MAOB: variants seen among roughly 807,000 people sequenced by gnomAD.
MAOB encodes the protein amine oxidase [flavin-containing] B.
Under a neutral mutation model 41.9 loss-of-function variants are expected in MAOB, and 15 were observed. The observed-to-expected ratio is 0.36, with a 90% CI of 0.24 to 0.55. MAOB has a LOEUF of 0.55. Ranked by LOEUF, MAOB falls within the 20% of genes least tolerant of loss-of-function variation. The pLI, the probability that MAOB is intolerant of heterozygous loss-of-function variation, is 0.86. For synonymous variants in MAOB, 167 were observed against 144.2 expected (o/e 1.16, Z -1.13); for missense variants, 345 against 398.7 (o/e 0.87, Z 1.15).
At chrX:43,871,254 C>T (rs373433162) in intron 1 of MAOB, among the ~76,000 whole-genome samples, 112 of 111,730 alleles carry the variant, frequency 1.0e-3, no homozygotes, top group African/African-American at 3.4e-3. Context: ...AGCCAACACT[C>T]TCAGCAGGTC....
chrX:43,873,808 C>T (rs2035423427), intron 1 of MAOB, among the ~76,000 whole-genome samples: 1 of 111,110 alleles, frequency 9.0e-6, no homozygotes, highest in African/African-American at 3.3e-5. Context: ...TCCCGAGTAG[C>T]TGGGACTACA....
rs1396576672 is a variant in MAOB at position 43,803,418 on chromosome X, G to T, written c.280-14C>A. Reference sequence around the variant, plus strand: ...GTATGATTTGCCCTGTGAGATACAAGATATTTTTAAAAGGAAATATTTACT... The same window carrying T: ...GTATGATTTGCCCTGTGAGATACAATATATTTTTAAAAGGAAATATTTACT... On this transcript the variant is annotated splice_polypyrimidine_tract_variant and intron_variant, in intron 3 of 14. Transcript: ENST00000378069. 9 of 1,163,133 alleles carry T rather than the reference G, an allele frequency of 7.7e-6. No individual in the cohort carries two copies. Among genetic ancestry groups the T allele is most frequent in the Non-Finnish European group, 1.0e-5 (9 of 879,804 alleles).
chrX:43,843,504 A>G (rs1473167016), intron 2 of MAOB, among the ~76,000 whole-genome samples, 166 bp downstream of exon 2: 1 of 110,866 alleles, frequency 9.0e-6, no homozygotes, highest in African/African-American at 3.3e-5. Flanking sequence ...GAACAGAAGA[A>G]TTGAAAGGAA....
intron 3 of MAOB, among the ~76,000 whole-genome samples, chrX:43,835,951 C>T (rs189045517): frequency 9.0e-6 from 1 of 111,731 alleles, no homozygotes; most frequent in East Asian, 2.8e-4. Flanking sequence ...ATTTTAAAAG[C>T]AGATTCTTTG....
At chrX:43,808,507 G>T (rs1192246202) in intron 3 of MAOB, among the ~76,000 whole-genome samples, 1 of 110,705 alleles carries the variant, frequency 9.0e-6, no homozygotes, top group East Asian at 2.8e-4. Context: ...TTCAGAAAGT[G>T]AGAGCTCAGT....
chrX:43,868,737 C>G (rs1458911040), intron 1 of MAOB, among the ~76,000 whole-genome samples: 1 of 111,629 alleles, frequency 9.0e-6, no homozygotes, highest in Non-Finnish European at 1.9e-5. Context: ...TCCATTCTAA[C>G]TTTGTCCAAA....
intron 12 of MAOB, among the ~76,000 whole-genome samples, chrX:43,770,781 T>A (rs969909896): frequency 8.9e-6 from 1 of 111,792 alleles, no homozygotes; most frequent in African/African-American, 3.3e-5. Flanking sequence ...CTTATATTCT[T>A]TGCCTGGTGT....
intron 12 of MAOB, among the ~76,000 whole-genome samples, chrX:43,773,881 G>C (rs2283728): frequency 0.032 from 3,562 of 111,463 alleles, 60 homozygotes; most frequent in Middle Eastern, 0.083. Context: ...TAAATTGCCC[G>C]GTCTCAGGTA....
intron 3 of MAOB, among the ~76,000 whole-genome samples, chrX:43,827,622 C>T (rs1321705207): frequency 9.0e-6 from 1 of 111,656 alleles, no homozygotes; most frequent in Non-Finnish European, 1.9e-5. Flanking sequence ...CTCCCAGATT[C>T]ATAGAGAGGA....
At chrX:43,860,520 C>T (rs1410059794) in intron 1 of MAOB, among the ~76,000 whole-genome samples, 1 of 111,540 alleles carries the variant, frequency 9.0e-6, no homozygotes, top group Non-Finnish European at 1.9e-5. Context: ...TGAATACAAC[C>T]ATTTCTCAGC....
At chrX:43,862,461 T>C (rs2035338855) in intron 1 of MAOB, among the ~76,000 whole-genome samples, 1 of 112,612 alleles carries the variant, frequency 8.9e-6, no homozygotes, top group Non-Finnish European at 1.9e-5. Context: ...GGAGTCATCT[T>C]AGGAAAAGTG....
chrX:43,784,865 C>T (rs192116151), intron 8 of MAOB, among the ~76,000 whole-genome samples: 7 of 112,194 alleles, frequency 6.2e-5, no homozygotes, highest in Admixed American at 1.9e-4. Flanking sequence ...CTGTTGTTTC[C>T]GGTCGGGTGT....
At chrX:43,882,229 A>G in intron 1 of MAOB, 25 bp downstream of exon 1, 1 of 1,208,017 alleles carries the variant, frequency 8.3e-7, no homozygotes, top group South Asian at 1.8e-5. Flanking sequence ...GTGAAGAGGA[A>G]GGAGGGCGCA....
chrX:43,778,377 C>T (rs1241288492), intron 11 of MAOB, among the ~76,000 whole-genome samples: 1 of 110,549 alleles, frequency 9.0e-6, no homozygotes, highest in East Asian at 2.9e-4. Context: ...CTTTTACCCC[C>T]CTAACAGAAC....
intron 8 of MAOB, among the ~76,000 whole-genome samples, chrX:43,786,401 T>C (rs2034399922): frequency 9.0e-6 from 1 of 111,189 alleles, no homozygotes; most frequent in Admixed American, 9.6e-5. Context: ...AGGAAGCCTT[T>C]TAAAGGGAAC....
chrX:43,768,772 T>A (rs1271323118), intron 13 of MAOB, 56 bp from the exon 14 acceptor site: 39 of 994,724 alleles, frequency 3.9e-5, no homozygotes, highest in Non-Finnish European at 4.3e-6. Flanking sequence ...TTTCTTCTAA[T>A]CTGCTCCCTA....
At chrX:43,862,975 A>G (rs2147177552) in intron 1 of MAOB, among the ~76,000 whole-genome samples, 1 of 112,124 alleles carries the variant, frequency 8.9e-6, no homozygotes, top group East Asian at 2.8e-4. Flanking sequence ...CTCCCAAGTT[A>G]GAATACCACA....
At chrX:43,784,266 C>T (rs2034372294) in intron 8 of MAOB, among the ~76,000 whole-genome samples, 1 of 112,362 alleles carries the variant, frequency 8.9e-6, no homozygotes, top group Non-Finnish European at 1.9e-5. Context: ...GAACTCTTTC[C>T]AGAAGGTTTT....
rs1168780312 is a variant in MAOB at position 43,768,600 on chromosome X, A to G, written c.1410+54T>C. 1.5e-5 allele frequency: 15 copies of G among 1,021,256 alleles called. No individual in the cohort carries two copies. In the Admixed American group the frequency reaches 2.0e-4, roughly 14 times the overall value. The allele number at this position is 1,021,256 out of a possible 1,213,427, so 84.2% of individuals were successfully genotyped here. ...TATATACAAGTGTGCTCTTCTTGAA[A>G]ATAATGGGTTTAGAGAAAAGATATC... On this transcript the variant is annotated intron_variant, in intron 14 of 14. Coordinates refer to ENST00000378069, the MANE Select transcript of MAOB (RefSeq NM_000898.5).
Sources: allele counts gnomAD v4.1 joint callset (sites outside exome capture counted in the v4.1 genomes callset), GRCh38; gene constraint gnomAD v4.1.1; transcripts MANE v1.5; gene names NCBI Gene and HGNC (gene_info 2026-07-23, HGNC 2026-07-21).